LRP6: variants seen among roughly 807,000 people sequenced by gnomAD.
LRP6 encodes LDL receptor related protein 6.
Under a neutral mutation model 184.1 loss-of-function variants are expected in LRP6, and 43 were observed. That is an observed-to-expected ratio of 0.23 (90% CI 0.18 to 0.30). The LOEUF is 0.30. Among genes scored for constraint, LRP6 ranks in the 10% least tolerant of loss-of-function variants. The probability of loss-of-function intolerance (pLI) is 1.00; values close to 1 mark genes in which losing one functional copy is unlikely to be tolerated. For synonymous variants in LRP6, 719 were observed against 684.9 expected, an observed-to-expected ratio of 1.05 and a Z score of -0.78; for missense variants, 1,571 against 2,005.3, an observed-to-expected ratio of 0.78 and a Z score of 4.14.
intron 2 of LRP6, among the ~76,000 whole-genome samples, chr12:12,211,919 G>A (rs547871263): frequency 5.3e-5 from 8 of 152,034 alleles, no homozygotes; most frequent in African/African-American, 1.4e-4. Flanking sequence ...GCTGTTATAC[G>A]TCATTCCTCT....
At chr12:12,150,767 G>A (rs1950070484) in intron 13 of LRP6, 69 bp downstream of exon 13, 2 of 1,528,156 alleles carry the variant, frequency 1.3e-6, no homozygotes, top group Admixed American at 1.7e-5. Flanking sequence ...AGACTTAAGT[G>A]AAACAGAGTG....
chr12:12,236,123 A>G (rs1864926927), intron 2 of LRP6, among the ~76,000 whole-genome samples: 1 of 152,042 alleles, frequency 6.6e-6, no homozygotes, highest in Non-Finnish European at 1.5e-5. Flanking sequence ...GTCACTCGGG[A>G]GGCTGAGGCA....
At chr12:12,167,806 C>T (rs1245230701) in intron 7 of LRP6, among the ~76,000 whole-genome samples, 1 of 152,022 alleles carries the variant, frequency 6.6e-6, no homozygotes, top group African/African-American at 2.4e-5. Context: ...TAAATGTAAA[C>T]AGCTAAATGA....
chr12:12,236,650 G>A (rs74061143), intron 2 of LRP6, among the ~76,000 whole-genome samples: 2,712 of 152,246 alleles, frequency 0.018, 79 homozygotes, highest in African/African-American at 0.056. Context: ...TGACTGGCCA[G>A]CTATAAACTG....
intron 7 of LRP6, among the ~76,000 whole-genome samples, chr12:12,178,868 C>T (rs1863261894): frequency 6.6e-6 from 1 of 152,122 alleles, no homozygotes; most frequent in Non-Finnish European, 1.5e-5. Flanking sequence ...GAAGCAAGGC[C>T]TTGAAGTCAT....
Position 12,125,321 on chromosome 12 carries a change from C to T in LRP6, c.4424G>A (p.Ser1475Asn). Residue 1475 changes from serine to asparagine, a missense_variant, in exon 21 of 23, where the codon AGC (serine) becomes AAC (asparagine). Coordinates refer to ENST00000261349, the MANE Select transcript of LRP6 (RefSeq NM_002336.3). ...TGCAGGGAAGTAAGTGCCTTTGGTG[C>T]TTGAAGAACTACTTGATGATGCTCC... ...VTGASSSSSS[S>N]TKGTYFPAIL... is the part of the protein sequence containing the mutation. The T allele has an allele frequency of 6.2e-7, 1 of 1,614,042 alleles. No homozygotes were observed. The highest frequency in any genetic ancestry group is 8.5e-7 in the Non-Finnish European group (1 of 1,179,988).
At chr12:12,147,076 C>T (rs529463764) in intron 15 of LRP6, among the ~76,000 whole-genome samples, 36 of 151,912 alleles carry the variant, frequency 2.4e-4, no homozygotes, top group African/African-American at 7.0e-4. Context: ...GGCGTGAACC[C>T]GGGAACTGCA....
At chr12:12,225,991 G>A (rs934700307) in intron 2 of LRP6, among the ~76,000 whole-genome samples, 3 of 151,950 alleles carry the variant, frequency 2.0e-5, no homozygotes, top group African/African-American at 7.3e-5. Flanking sequence ...TCTTACTACA[G>A]CCTAACCAAC....
At chr12:12,153,463 T>TATTG (rs1459779882) in intron 12 of LRP6, among the ~76,000 whole-genome samples, 1 of 152,214 alleles carries the variant, frequency 6.6e-6, no homozygotes, top group Non-Finnish European at 1.5e-5. Context: ...TAACCTTCAA[T>TATTG]AAGATTCCAC....
chr12:12,222,581 A>G (rs1447922746), intron 2 of LRP6, among the ~76,000 whole-genome samples: 1 of 151,122 alleles, frequency 6.6e-6, no homozygotes, highest in Admixed American at 6.6e-5. Context: ...AAAAAAAAGA[A>G]AGAAAGAAAG....
intron 12 of LRP6, among the ~76,000 whole-genome samples, chr12:12,157,764 C>T (rs1050821197): frequency 6.6e-6 from 1 of 152,162 alleles, no homozygotes; most frequent in Non-Finnish European, 1.5e-5. Context: ...AAACCCTACA[C>T]CCCTCCCATA....
At chr12:12,138,074 G>A (rs1949870256) in intron 16 of LRP6, among the ~76,000 whole-genome samples, 1 of 151,930 alleles carries the variant, frequency 6.6e-6, no homozygotes. Context: ...TGGAGGCTGA[G>A]GCATGAGAAT....
At chr12:12,199,909 A>G (rs746493212) in intron 3 of LRP6, among the ~76,000 whole-genome samples, 3 of 125,724 alleles carry the variant, frequency 2.4e-5, no homozygotes, top group African/African-American at 5.9e-5. Flanking sequence ...GGTTGCAGTG[A>G]GCTTGAGATC....
intron 2 of LRP6, among the ~76,000 whole-genome samples, chr12:12,221,259 CAATG>C (rs1864481496): frequency 6.6e-6 from 1 of 152,186 alleles, no homozygotes; most frequent in Non-Finnish European, 1.5e-5. Flanking sequence ...TCACCATAAA[CAATG>C]AAGTGTAAGA....
chr12:12,202,984 A>G (rs1327469889), intron 3 of LRP6, among the ~76,000 whole-genome samples: 2 of 152,262 alleles, frequency 1.3e-5, no homozygotes, highest in Non-Finnish European at 2.9e-5. Context: ...CAGAGTAAGG[A>G]AAGAGGAAAT....
intron 3 of LRP6, among the ~76,000 whole-genome samples, chr12:12,194,284 G>A (rs1348856705): frequency 1.3e-5 from 2 of 151,590 alleles, no homozygotes; most frequent in African/African-American, 2.4e-5. Context: ...AGCCAATACA[G>A]AGAAAAACAT....
intron 2 of LRP6, among the ~76,000 whole-genome samples, chr12:12,231,926 G>A (rs1472967198): frequency 6.6e-6 from 1 of 151,456 alleles, no homozygotes; most frequent in African/African-American, 2.4e-5. Context: ...AAGATGGGAG[G>A]ATTGCTTGAG....
rs10082834 is a variant in LRP6 at position 12,181,072 on chromosome 12, G to C, written c.1344C>G (p.Pro448=). The C allele has an allele frequency of 0.084, 136,107 of 1,613,752 alleles. 6,331 individuals are homozygous for C. The highest frequency in any genetic ancestry group is 0.12 in the Admixed American group (6,974 of 59,990). ...KILISEDLEE[P]RAIVLDPMVG... is the part of the protein sequence containing the mutation. ...CCATGGGATCTAACACAATAGCCCGGGGTTCCTCTAAGTCCTCTGAAATCA... is the reference window on the plus strand; with the variant it reads ...CCATGGGATCTAACACAATAGCCCGCGGTTCCTCTAAGTCCTCTGAAATCA... The change falls in exon 6 of 23, where the codon CCC becomes CCG. Residue 448 remains proline (P), a synonymous_variant. Coordinates refer to ENST00000261349, the MANE Select transcript of LRP6 (RefSeq NM_002336.3).
chr12:12,229,997 G>A (rs567766889), intron 2 of LRP6, among the ~76,000 whole-genome samples: 1 of 152,256 alleles, frequency 6.6e-6, no homozygotes, highest in East Asian at 1.9e-4. Context: ...ATGAAAACCA[G>A]GACCAGGCTG....
Sources: allele counts gnomAD v4.1 joint callset (sites outside exome capture counted in the v4.1 genomes callset), GRCh38; gene constraint gnomAD v4.1.1; transcripts MANE v1.5; gene names NCBI Gene and HGNC (gene_info 2026-07-23, HGNC 2026-07-21).